Variants in ASNS observed in about 807,000 individuals in gnomAD.
The protein encoded by ASNS is asparagine synthetase (glutamine-hydrolyzing).
Under a neutral mutation model 62.6 loss-of-function variants are expected in ASNS, and 37 were observed. That is an observed-to-expected ratio of 0.59 (90% CI 0.45 to 0.78). ASNS has a LOEUF of 0.78. ASNS is among the 30% of genes least tolerant of loss of function. The pLI, the probability that ASNS is intolerant of heterozygous loss-of-function variation, is 0.00. For missense variants in ASNS, 520 were observed against 682.4 expected (o/e 0.76, Z 2.65); for synonymous variants, 207 against 237.9 (o/e 0.87, Z 1.19).
At chr7:97,880,479 G>T in the ASNS span, among the ~76,000 whole-genome samples, 738 of 152,260 alleles carry the variant, frequency 4.8e-3, 2 homozygotes, top group African/African-American at 0.017. Flanking sequence ...ACACAAAGGG[G>T]TCCAAATGTG....
chr7:97,898,454 T>C, the ASNS span: 7 of 527,686 alleles, frequency 1.3e-5, no homozygotes, highest in Non-Finnish European at 2.5e-5. Flanking sequence ...GCTCCATGCC[T>C]TTCAAATCCA....
At chr7:97,885,442 C>A in the ASNS span, among the ~76,000 whole-genome samples, 2 of 152,188 alleles carry the variant, frequency 1.3e-5, no homozygotes, top group African/African-American at 4.8e-5. Context: ...TGTGTTTAAT[C>A]TTTGGAAGAA....
chr7:97,853,216 C>T lies in ASNS; in HGVS notation c.1321-1G>A. 5.0e-6 allele frequency: 8 copies of T among 1,607,138 alleles called. No homozygotes were observed. Among genetic ancestry groups the T allele is most frequent in the Non-Finnish European group, 6.8e-6 (8 of 1,176,372 alleles). ...TCAGGAGATGTTTTTCTATCCCATTCTGACGTGACAAAAAAAGGAGCATCA... is the reference window on the plus strand; with the variant it reads ...TCAGGAGATGTTTTTCTATCCCATTTTGACGTGACAAAAAAAGGAGCATCA... On this transcript the variant is annotated splice_acceptor_variant, in intron 11 of 12. Coordinates refer to ENST00000394308, the MANE Select transcript of ASNS (RefSeq NM_001673.5). LOFTEE classifies it high-confidence loss of function.
chr7:97,885,200 G>A, the ASNS span, among the ~76,000 whole-genome samples: 5 of 152,318 alleles, frequency 3.3e-5, no homozygotes, highest in South Asian at 4.1e-4. Flanking sequence ...TAGTTCATCC[G>A]TGTTGTAGCA....
At chr7:97,880,572 C>T in the ASNS span, among the ~76,000 whole-genome samples, 1 of 152,134 alleles carries the variant, frequency 6.6e-6, no homozygotes, top group African/African-American at 2.4e-5. Flanking sequence ...ATGTACAGTC[C>T]TGGGCCCCAC....
At chr7:97,902,273 AGT>A in the ASNS span, among the ~76,000 whole-genome samples, 1 of 152,164 alleles carries the variant, frequency 6.6e-6, no homozygotes, top group African/African-American at 2.4e-5. Flanking sequence ...CTCATTTCAG[AGT>A]AGTTCAAATT....
chr7:97,900,498 A>T, the ASNS span, among the ~76,000 whole-genome samples: 1 of 152,196 alleles, frequency 6.6e-6, no homozygotes, highest in South Asian at 2.1e-4. Context: ...CTTCCCAAAC[A>T]ATTCTACATA....
upstream of ASNS, among the ~76,000 whole-genome samples, chr7:97,875,982 A>C (rs1272547029): frequency 3.9e-5 from 6 of 151,918 alleles, no homozygotes; most frequent in Middle Eastern, 3.4e-3. Flanking sequence ...TCAGCCTCCC[A>C]AAATGCTGGG....
chr7:97,875,821 T>G (rs942035809), upstream of ASNS, among the ~76,000 whole-genome samples: 3 of 152,142 alleles, frequency 2.0e-5, no homozygotes, highest in Non-Finnish European at 4.4e-5. Context: ...TCCATCAACC[T>G]TCACAGAAGA....
chr7:97,868,537 G>GTGCC (rs56792587), intron 3 of ASNS, among the ~76,000 whole-genome samples: 1 of 48,368 alleles, frequency 2.1e-5, no homozygotes, highest in African/African-American at 7.0e-5. Flanking sequence ...GTGTGTGTGT[G>GTGCC]TGTGTGTAGA....
chr7:97,905,996 C>T, the ASNS span, among the ~76,000 whole-genome samples: 3 of 152,162 alleles, frequency 2.0e-5, no homozygotes, highest in East Asian at 5.8e-4. Flanking sequence ...TTTGCATCCT[C>T]TTAGGTTGGT....
At chr7:97,919,517 CAA>C in the ASNS span, among the ~76,000 whole-genome samples, 2 of 152,034 alleles carry the variant, frequency 1.3e-5, no homozygotes, top group African/African-American at 4.8e-5. Flanking sequence ...AGGACAGAGT[CAA>C]AAAAGAAAAA....
intron 3 of ASNS, 24 bp downstream of exon 3, chr7:97,868,884 G>A (rs377153516): frequency 6.2e-6 from 10 of 1,610,582 alleles, no homozygotes; most frequent in Admixed American, 1.7e-5. Context: ...ATCGCATCCA[G>A]ACATCTGGTT....
chr7:97,860,215 A>C (rs979312517), intron 4 of ASNS, among the ~76,000 whole-genome samples: 2 of 152,234 alleles, frequency 1.3e-5, no homozygotes, highest in African/African-American at 4.8e-5. Flanking sequence ...GGAGTAATTA[A>C]AAGGTTTTAA....
At chr7:97,893,293 A>C in the ASNS span, among the ~76,000 whole-genome samples, 1 of 152,276 alleles carries the variant, frequency 6.6e-6, no homozygotes, top group African/African-American at 2.4e-5. Flanking sequence ...ATTCAAGATG[A>C]GATCTGAGTG....
the ASNS span, among the ~76,000 whole-genome samples, chr7:97,902,403 G>C: frequency 6.6e-6 from 1 of 152,102 alleles, no homozygotes; most frequent in Non-Finnish European, 1.5e-5. Context: ...GGTCAACACA[G>C]TACTTTTCTT....
At chr7:97,917,404 T>C in the ASNS span, among the ~76,000 whole-genome samples, 2 of 151,924 alleles carry the variant, frequency 1.3e-5, no homozygotes, top group Non-Finnish European at 2.9e-5. Context: ...GTGATGAGGG[T>C]TCCCACACTT....
At chr7:97,892,983 A>G in the ASNS span, among the ~76,000 whole-genome samples, 1 of 152,256 alleles carries the variant, frequency 6.6e-6, no homozygotes, top group South Asian at 2.1e-4. Flanking sequence ...GTATTAGTCC[A>G]TTTTCACACA....
chr7:97,868,295 G>A (rs1198646326), intron 3 of ASNS, among the ~76,000 whole-genome samples: 1 of 152,078 alleles, frequency 6.6e-6, no homozygotes, highest in Non-Finnish European at 1.5e-5. Context: ...GTGACAGAAT[G>A]AGACTCTGTC....
Sources: gnomAD v4.1 joint callset for allele counts (sites outside exome capture counted in the v4.1 genomes callset) on GRCh38, gnomAD v4.1.1 for gene constraint, MANE v1.5 for transcripts, NCBI Gene and HGNC (gene_info 2026-07-23, HGNC 2026-07-21) for gene names.